HPS1: variants seen among roughly 807,000 people sequenced by gnomAD.
HPS1 encodes the protein HPS1 biogenesis of lysosomal organelles complex 3 subunit 1.
In HPS1, 59 loss-of-function variants were observed where a neutral mutation model predicts 90.6. The observed-to-expected ratio is 0.65, with a 90% CI of 0.53 to 0.81. The LOEUF (loss-of-function observed/expected upper bound fraction) is 0.81. HPS1 is among the 30% of genes least tolerant of loss of function. The pLI, the probability that HPS1 is intolerant of heterozygous loss-of-function variation, is 0.00. For missense variants in HPS1, 849 were observed against 896.7 expected (o/e 0.95, Z 0.68); for synonymous variants, 388 against 384.4 (o/e 1.01, Z -0.11).
rs1939312076 is a variant in HPS1, at chr10:98,445,396, T to C, written c.-97A>G. 6.6e-6 allele frequency: 1 copy of C among 152,582 alleles called. No homozygotes were observed. Among genetic ancestry groups the C allele is most frequent in the South Asian group, 2.1e-4 (1 of 4,832 alleles). 9.5% of individuals were successfully genotyped at this position (152,582 alleles called of 1,614,324 possible). A position where few individuals can be genotyped will look rare whatever the true frequency, so the allele number is the denominator to read the frequency against. Reference sequence around the variant, plus strand: ...TGGCTCATGGGAGAGCAGCACAGCATCCCTGGTCCTGCAAATGCTTAAAAC... The same window carrying C: ...TGGCTCATGGGAGAGCAGCACAGCACCCCTGGTCCTGCAAATGCTTAAAAC... On this transcript the variant is annotated 5_prime_UTR_variant, in exon 2 of 20. It removes an upstream start codon present in the reference 5' UTR. Transcript: ENST00000361490. The surrounding 1 kb of genome is among the most constrained non-coding windows in gnomAD (Gnocchi z 4.5).
Position 98,417,715 on chromosome 10 carries a change from C to T in HPS1, c.1952G>A (p.Arg651His), listed in dbSNP as rs771974245. ...LGGDYYRKLL[R>H]YYSKNRPTEA... ...GGTTGGGCGGTTCTTGCTGTAGTAGCGCAGGAGCTTCCTGGGGAGGAAGGG... is the reference window on the plus strand; with the variant it reads ...GGTTGGGCGGTTCTTGCTGTAGTAGTGCAGGAGCTTCCTGGGGAGGAAGGG... The change falls in exon 20 of 20, where the codon CGC becomes CAC. Residue 651 changes from arginine to histidine, a missense_variant. Transcript: ENST00000361490. This position sits in a 1 kb window ranked among gnomAD's most constrained non-coding sequence, Gnocchi z 4.2. 29 of 1,613,616 alleles carry T rather than the reference C, an allele frequency of 1.8e-5. No individual in the cohort carries two copies. Among genetic ancestry groups the T allele is most frequent in the Middle Eastern group, 1.6e-4 (1 of 6,074 alleles).
At chr10:98,443,100 T>TG in intron 3 of HPS1, 24 bp downstream of exon 3, 1 of 1,513,302 alleles carries the variant, frequency 6.6e-7, no homozygotes, top group Non-Finnish European at 9.2e-7. Context: ...CCACCCCTCC[T>TG]GGGACTGCCT....
chr10:98,423,517 G>A (rs972693664), intron 16 of HPS1, 86 bp downstream of exon 16: 1 of 1,235,778 alleles, frequency 8.1e-7, no homozygotes, highest in Non-Finnish European at 1.2e-6. Context: ...CCTTCCCTGG[G>A]GCCCATAGTC....
intron 11 of HPS1, among the ~76,000 whole-genome samples, chr10:98,426,745 A>AGTGTGTGTGT (rs58431822): frequency 1.2e-4 from 17 of 147,808 alleles, no homozygotes; most frequent in African/African-American, 4.0e-4. Context: ...GTACATATGT[A>AGTGTGTGTGT]GTGTGTGTGT....
At chr10:98,426,221 G>C (rs373787246) in intron 11 of HPS1, 251 of 542,790 alleles carry the variant, frequency 4.6e-4, no homozygotes, top group African/African-American at 3.8e-3. Flanking sequence ...AAGCAGGGCA[G>C]TGGGCAGGGG....
At chr10:98,429,958 C>T in intron 8 of HPS1, 69 bp from the exon 9 acceptor site, 1 of 1,396,242 alleles carries the variant, frequency 7.2e-7, no homozygotes, top group Non-Finnish European at 1.0e-6. Flanking sequence ...TTCTGCCTCC[C>T]AGCGCTTCAC....
chr10:98,426,067 G>T, intron 11 of HPS1, 82 bp from the exon 12 acceptor site: 1 of 1,243,128 alleles, frequency 8.0e-7, no homozygotes. Context: ...TGAACCACAA[G>T]AAATAATCAT....
At chr10:98,425,062 T>C (rs1845413366) in intron 13 of HPS1, among the ~76,000 whole-genome samples, 1 of 152,210 alleles carries the variant, frequency 6.6e-6, no homozygotes, top group African/African-American at 2.4e-5. Flanking sequence ...CTCACCTGTC[T>C]CCTGGTCTCA....
At chr10:98,434,604 T>C (rs1296035522) in intron 5 of HPS1, among the ~76,000 whole-genome samples, 1 of 152,074 alleles carries the variant, frequency 6.6e-6, no homozygotes, top group Non-Finnish European at 1.5e-5. Context: ...TGCCTCAATA[T>C]GGGTAGTTGC....
intron 3 of HPS1, among the ~76,000 whole-genome samples, chr10:98,440,727 CA>C (rs200905541): frequency 0.011 from 1,522 of 138,458 alleles, 25 homozygotes; most frequent in African/African-American, 0.037. Context: ...TGCACATTAA[CA>C]AAAAAAAAAA....
intron 3 of HPS1, among the ~76,000 whole-genome samples, chr10:98,439,184 G>T (rs1472654219): frequency 6.6e-6 from 1 of 152,234 alleles, no homozygotes; most frequent in African/African-American, 2.4e-5. Flanking sequence ...AGTGATTAAG[G>T]GAATGTGGGG....
At chr10:98,429,965 TCA>T (rs1360006748) in intron 8 of HPS1, 76 bp from the exon 9 acceptor site, 2 of 1,363,368 alleles carry the variant, frequency 1.5e-6, no homozygotes, top group Non-Finnish European at 1.0e-6. Context: ...TCCCAGCGCT[TCA>T]CAGAGAAGCC....
chr10:98,443,740 A>T (rs182447144), intron 2 of HPS1, among the ~76,000 whole-genome samples: 80 of 152,228 alleles, frequency 5.3e-4, no homozygotes, highest in Middle Eastern at 3.4e-3. Flanking sequence ...CTCAGATAAA[A>T]ACAGTTCCAG....
At chr10:98,414,986 C>G (rs1475191215), downstream of HPS1, 16 of 1,610,564 alleles carry the variant, frequency 9.9e-6, no homozygotes, top group Admixed American at 1.7e-5. Context: ...TCAGCTCTGG[C>G]CCGGCCTGCT....
At chr10:98,421,527 A>G (rs1361906005) in intron 17 of HPS1, among the ~76,000 whole-genome samples, 1 of 152,352 alleles carries the variant, frequency 6.6e-6, no homozygotes. Flanking sequence ...ATATAATGTG[A>G]AATGAAAACA....
At chr10:98,425,331 A>G (rs1845453802) in intron 13 of HPS1, among the ~76,000 whole-genome samples, 1 of 152,280 alleles carries the variant, frequency 6.6e-6, no homozygotes, top group South Asian at 2.1e-4. Flanking sequence ...GTATTCTGCC[A>G]AACACACATA....
Position 98,417,420 on chromosome 10 carries a change from T to G in HPS1, c.*144A>C. 1.5e-6 allele frequency: 1 copy of G among 664,316 alleles called. No individual in the cohort carries two copies. Among genetic ancestry groups the G allele is most frequent in the Non-Finnish European group, 2.5e-6 (1 of 396,878 alleles). 41.2% of individuals were successfully genotyped at this position (664,316 alleles called of 1,614,324 possible). On this transcript the variant is annotated 3_prime_UTR_variant, in exon 20 of 20. Transcript: ENST00000361490. This position sits in a 1 kb window ranked among gnomAD's most constrained non-coding sequence, Gnocchi z 4.2. ...GACATGGAGGGTGGTCTAGGTGGGG[T>G]TTTAGAAGCCCTGGGGCCACCCTGG...
At chr10:98,443,670 G>C (rs771508515) in intron 2 of HPS1, among the ~76,000 whole-genome samples, 1 of 152,196 alleles carries the variant, frequency 6.6e-6, no homozygotes, top group Non-Finnish European at 1.5e-5. Context: ...GTTAGTGCCT[G>C]GTGTGGATCG....
At chr10:98,415,095 G>A, downstream of HPS1, 1 of 1,614,030 alleles carries the variant, frequency 6.2e-7, no homozygotes, top group Non-Finnish European at 8.5e-7. Flanking sequence ...GAAGGGAGAG[G>A]CGGCCACAGC....
Sources: allele counts gnomAD v4.1 joint callset (sites outside exome capture counted in the v4.1 genomes callset), GRCh38; gene constraint gnomAD v4.1.1; non-coding constraint Gnocchi (gnomAD v3.1); transcripts MANE v1.5; gene names NCBI Gene and HGNC (gene_info 2026-07-23, HGNC 2026-07-21).